Variants in VWA8 observed in about 807,000 individuals in gnomAD.
VWA8 encodes the protein von Willebrand factor A domain-containing protein 8.
In VWA8, 221 loss-of-function variants were observed where a neutral mutation model predicts 241.5. The ratio of observed to expected loss-of-function variants is 0.91; its 90% CI spans 0.82 to 1.02. VWA8 has a LOEUF of 1.02. VWA8 is among the 50% of genes least tolerant of loss of function. The probability of loss-of-function intolerance (pLI) is 0.00; values close to 1 mark genes in which losing one functional copy is unlikely to be tolerated. For missense variants in VWA8, 2,322 were observed against 2,328.7 expected, an observed-to-expected ratio of 1.00 and a Z score of 0.06; for synonymous variants, 852 against 827.1, an observed-to-expected ratio of 1.03 and a Z score of -0.52.
At chr13:41,746,282 A>G (rs906968665) in intron 21 of VWA8, among the ~76,000 whole-genome samples, 4 of 152,252 alleles carry the variant, frequency 2.6e-5, no homozygotes, top group Non-Finnish European at 4.4e-5. Context: ...AAAACTAAGT[A>G]GAAAATACAC....
intron 2 of VWA8, among the ~76,000 whole-genome samples, chr13:41,934,943 T>C (rs1299446485): frequency 1.3e-5 from 2 of 152,100 alleles, no homozygotes; most frequent in Non-Finnish European, 2.9e-5. Flanking sequence ...TAGAATTACA[T>C]ATATTATTAA....
intron 36 of VWA8, among the ~76,000 whole-genome samples, chr13:41,672,092 C>T (rs2045029698): frequency 2.0e-5 from 3 of 152,270 alleles, no homozygotes; most frequent in South Asian, 4.1e-4. Flanking sequence ...ATACCTCACA[C>T]GCTAATGAGT....
intron 4 of VWA8, among the ~76,000 whole-genome samples, chr13:41,902,111 A>G: frequency 6.6e-6 from 1 of 151,622 alleles, no homozygotes; most frequent in African/African-American, 2.4e-5. Flanking sequence ...TACTAGTGAA[A>G]AGTGAGAAAG....
At chr13:41,700,076 G>A (rs760184547) in intron 28 of VWA8, among the ~76,000 whole-genome samples, 3 of 152,122 alleles carry the variant, frequency 2.0e-5, no homozygotes, top group Non-Finnish European at 4.4e-5. Flanking sequence ...CACCGCTGAA[G>A]CAAGGGATTA....
chr13:41,761,127 C>A lies in VWA8; in HGVS notation c.2426+1G>T, dbSNP rs548304786. The A allele has an allele frequency of 1.9e-6, 3 of 1,610,274 alleles. No homozygotes were observed. Among genetic ancestry groups the A allele is most frequent in the Non-Finnish European group, 2.5e-6 (3 of 1,177,834 alleles). ...AGAGGTTGTGGGTCTAATAGTCTTACCTGTGTAGCTGAATATATTCTCGGG... is the reference window on the plus strand; with the variant it reads ...AGAGGTTGTGGGTCTAATAGTCTTAACTGTGTAGCTGAATATATTCTCGGG... On this transcript the variant is annotated splice_donor_variant, in intron 21 of 44. Transcript: ENST00000379310. LOFTEE classifies it high-confidence loss of function.
rs114049792 is a variant in VWA8 at position 41,854,331 on chromosome 13, A to C, written c.1425+11405T>G. 9.2e-3 allele frequency among the ~76,000 whole-genome samples: 1,393 copies of C among 152,208 alleles called. 31 individuals are homozygous for C. The highest frequency in any genetic ancestry group is 0.03 in the African/African-American group (1,252 of 41,526). ...ACAATAGAAGAGCATTCTGTTCCTGACCAACCAAAGGAACACACAGAGAAT... is the reference window on the plus strand; with the variant it reads ...ACAATAGAAGAGCATTCTGTTCCTGCCCAACCAAAGGAACACACAGAGAAT... On this transcript the variant is annotated intron_variant, in intron 12 of 44. Transcript: ENST00000379310.
chr13:41,702,286 C>G (rs1205801883), intron 27 of VWA8, among the ~76,000 whole-genome samples: 1 of 152,164 alleles, frequency 6.6e-6, no homozygotes, highest in Non-Finnish European at 1.5e-5. Context: ...CACCACCCCT[C>G]TTCTATCTAG....
intron 4 of VWA8, among the ~76,000 whole-genome samples, chr13:41,898,428 C>A (rs533965246): frequency 2.6e-5 from 4 of 152,358 alleles, no homozygotes; most frequent in African/African-American, 9.6e-5. Flanking sequence ...GAGCTAGACA[C>A]CCGGTGCTGA....
chr13:41,959,382 C>A (rs924612137), intron 1 of VWA8, among the ~76,000 whole-genome samples: 2 of 150,946 alleles, frequency 1.3e-5, no homozygotes, highest in African/African-American at 4.9e-5. Context: ...ATACTTCCAC[C>A]TTTGACCTCT....
At chr13:41,759,023 ATAT>A (rs2045720009) in intron 21 of VWA8, among the ~76,000 whole-genome samples, 1 of 151,514 alleles carries the variant, frequency 6.6e-6, no homozygotes, top group Non-Finnish European at 1.5e-5. Context: ...TGGTTATGAC[ATAT>A]TATTCTTTTT....
intron 29 of VWA8, 57 bp from the exon 30 acceptor site, chr13:41,693,029 T>TTTTA: frequency 2.9e-6 from 3 of 1,045,276 alleles, no homozygotes; most frequent in Non-Finnish European, 4.1e-6. Flanking sequence ...TTTTTTTTTT[T>TTTTA]AAAGCAGCAA....
chr13:41,808,512 C>A (rs1370693386), intron 17 of VWA8, among the ~76,000 whole-genome samples: 1 of 152,136 alleles, frequency 6.6e-6, no homozygotes, highest in East Asian at 1.9e-4. Context: ...CATGAGAACT[C>A]ACTCACTGTC....
At chr13:41,763,346 T>C (rs1012951942) in intron 20 of VWA8, among the ~76,000 whole-genome samples, 1 of 150,526 alleles carries the variant, frequency 6.6e-6, no homozygotes, top group Non-Finnish European at 1.5e-5. Context: ...GATAGATAGA[T>C]AGATAAAGTG....
At chr13:41,855,430 GCTA>G (rs1377430604) in intron 12 of VWA8, among the ~76,000 whole-genome samples, 1 of 146,726 alleles carries the variant, frequency 6.8e-6, no homozygotes, top group Non-Finnish European at 1.5e-5. Flanking sequence ...AAGAAATAAA[GCTA>G]CTGTAGAAGA....
At chr13:41,928,188 T>C (rs1566042587) in intron 2 of VWA8, among the ~76,000 whole-genome samples, 1 of 152,176 alleles carries the variant, frequency 6.6e-6, no homozygotes, top group Non-Finnish European at 1.5e-5. Flanking sequence ...ACAAAGGATA[T>C]ATCAACCAGA....
At chr13:41,816,885 A>G in intron 15 of VWA8, 110 bp from the exon 16 acceptor site, 4 of 872,234 alleles carry the variant, frequency 4.6e-6, no homozygotes, top group Non-Finnish European at 5.4e-6. Flanking sequence ...ACATTTTTAG[A>G]AAAGTCATTC....
At chr13:41,772,026 G>A (rs2045827750) in intron 20 of VWA8, among the ~76,000 whole-genome samples, 1 of 151,700 alleles carries the variant, frequency 6.6e-6, no homozygotes, top group South Asian at 2.1e-4. Flanking sequence ...GAGTAGCTGG[G>A]ATTACAGGCA....
intron 42 of VWA8, among the ~76,000 whole-genome samples, chr13:41,576,068 C>G (rs1463181366): frequency 6.6e-6 from 1 of 152,188 alleles, no homozygotes; most frequent in Non-Finnish European, 1.5e-5. Flanking sequence ...AACCTTTTCA[C>G]AGAGTCTGGA....
chr13:41,946,814 G>C (rs1370104146), intron 2 of VWA8, among the ~76,000 whole-genome samples: 1 of 152,132 alleles, frequency 6.6e-6, no homozygotes, highest in Non-Finnish European at 1.5e-5. Flanking sequence ...CCAAACTTTA[G>C]TCAGGTTTCT....
Sources: allele counts gnomAD v4.1 joint callset (sites outside exome capture counted in the v4.1 genomes callset), GRCh38; gene constraint gnomAD v4.1.1; transcripts MANE v1.5; gene names NCBI Gene and HGNC (gene_info 2026-07-23, HGNC 2026-07-21).